NAALADL2: variants seen among roughly 807,000 people sequenced by gnomAD.
The protein encoded by NAALADL2 is N-acetylated alpha-linked acidic dipeptidase like 2.
Under a neutral mutation model 87.2 loss-of-function variants are expected in NAALADL2, and 76 were observed. The observed-to-expected ratio is 0.87, with a 90% CI of 0.72 to 1.05. NAALADL2 has a LOEUF of 1.05. NAALADL2 is among the 50% of genes least tolerant of loss of function. NAALADL2 has a pLI of 0.00. For missense variants in NAALADL2, 1,089 were observed against 945.8 expected (o/e 1.15, Z -1.99); for synonymous variants, 354 against 331.0 (o/e 1.07, Z -0.75).
In NAALADL2 at chr3:175,166,811, A is replaced by T. The variant is rs193294062; in HGVS notation, c.546-67120A>T. Reference sequence around the variant, plus strand: ...AACTCTCTAAGCTCATAGCTTCTCAAACTTTGCATTTCTGAAAAGGAACTC... The same window carrying T: ...AACTCTCTAAGCTCATAGCTTCTCATACTTTGCATTTCTGAAAAGGAACTC... On this transcript the variant is annotated intron_variant, in intron 2 of 13. Coordinates refer to ENST00000454872, the MANE Select transcript of NAALADL2 (RefSeq NM_207015.3). Among the ~76,000 whole-genome samples the T allele has an allele frequency of 1.3e-4, 20 of 152,156 alleles. No homozygotes were observed. The East Asian group carries it at 2.9e-3, about 22-fold the overall frequency.
At chr3:175,121,121 G>C (rs943247523) in intron 2 of NAALADL2, among the ~76,000 whole-genome samples, 5 of 151,714 alleles carry the variant, frequency 3.3e-5, no homozygotes, top group Non-Finnish European at 7.4e-5. Context: ...GATCCTGACT[G>C]AAGACAAGTA....
intron 4 of NAALADL2, among the ~76,000 whole-genome samples, chr3:175,317,639 G>A (rs1276707262): frequency 6.6e-6 from 1 of 152,004 alleles, no homozygotes; most frequent in Non-Finnish European, 1.5e-5. Flanking sequence ...AGATGGATAA[G>A]TGGCCCAGAA....
At chr3:174,696,062 A>C (rs1314411412) in intron 2 of NAALADL2, among the ~76,000 whole-genome samples, 1 of 152,034 alleles carries the variant, frequency 6.6e-6, no homozygotes, top group Non-Finnish European at 1.5e-5. Context: ...GGTTTAACCC[A>C]ATCCCGATAA....
intron 9 of NAALADL2, among the ~76,000 whole-genome samples, chr3:175,559,644 T>C (rs901514098): frequency 2.0e-5 from 3 of 152,324 alleles, no homozygotes; most frequent in East Asian, 3.9e-4. Flanking sequence ...GGTTTTATCA[T>C]GAAGGGATGT....
At chr3:175,304,008 G>GA (rs1165270190) in intron 4 of NAALADL2, among the ~76,000 whole-genome samples, 1 of 144,368 alleles carries the variant, frequency 6.9e-6, no homozygotes, top group African/African-American at 2.9e-5. Context: ...ATACCATTAG[G>GA]ATTTTTTTTT....
intron 1 of NAALADL2, among the ~76,000 whole-genome samples, chr3:174,891,904 G>C (rs1472799986): frequency 1.3e-5 from 2 of 151,940 alleles, no homozygotes; most frequent in African/African-American, 4.8e-5. Flanking sequence ...TCTTCCTTCT[G>C]CTTGAGGAGA....
In NAALADL2 at chr3:175,611,114, T is replaced by C. The variant is rs1321097091; in HGVS notation, c.1801-16177T>C. ...CTACTTAGCTAAGTCTACCATGCTA[T>C]CTGTATGGAGAGTTTTGTGAGAATT... On this transcript the variant is annotated intron_variant, in intron 10 of 13. Coordinates refer to ENST00000454872, the MANE Select transcript of NAALADL2 (RefSeq NM_207015.3). Among the ~76,000 whole-genome samples the C allele has an allele frequency of 2.6e-5, 4 of 152,076 alleles. No individual in the cohort carries two copies. In the South Asian group the frequency reaches 6.2e-4, roughly 24 times the overall value.
intron 2 of NAALADL2, among the ~76,000 whole-genome samples, chr3:175,182,557 T>G (rs931421786): frequency 8.0e-5 from 8 of 100,324 alleles, no homozygotes; most frequent in South Asian, 3.7e-4. Context: ...CCAGTTTTTT[T>G]TTTTTTTTTT....
At chr3:175,216,900 C>T (rs1742640858) in intron 2 of NAALADL2, among the ~76,000 whole-genome samples, 2 of 152,048 alleles carry the variant, frequency 1.3e-5, no homozygotes, top group African/African-American at 4.8e-5. Flanking sequence ...AACTCCTGAC[C>T]TCGTGATCTG....
chr3:174,834,602 C>T (rs1723120182), intron 3 of NAALADL2, among the ~76,000 whole-genome samples: 1 of 151,852 alleles, frequency 6.6e-6, no homozygotes. Context: ...TTAGCAAAGT[C>T]ACAAGATTCA....
intron 10 of NAALADL2, among the ~76,000 whole-genome samples, chr3:175,594,713 G>A (rs1406064824): frequency 6.6e-6 from 1 of 152,088 alleles, no homozygotes; most frequent in East Asian, 1.9e-4. Context: ...GGTGTGAGAT[G>A]GCATCTCACT....
At chr3:174,623,690 C>T (rs1351725254) in intron 2 of NAALADL2, among the ~76,000 whole-genome samples, 5 of 151,680 alleles carry the variant, frequency 3.3e-5, no homozygotes, top group African/African-American at 1.2e-4. Flanking sequence ...TGCAGTTTAA[C>T]CCATGTTGTT....
chr3:175,067,156 G>T (rs777847778), intron 1 of NAALADL2, among the ~76,000 whole-genome samples: 3 of 152,062 alleles, frequency 2.0e-5, no homozygotes, highest in Non-Finnish European at 4.4e-5. Context: ...AGAAAACATA[G>T]GAGACACCAT....
At chr3:175,591,558 C>T (rs1480578938) in intron 10 of NAALADL2, among the ~76,000 whole-genome samples, 4 of 151,862 alleles carry the variant, frequency 2.6e-5, no homozygotes, top group Non-Finnish European at 4.4e-5. Context: ...GCTAAGATAT[C>T]ATCCATGATG....
At chr3:174,839,668 A>T (rs1230136445) in intron 3 of NAALADL2, among the ~76,000 whole-genome samples, 1 of 152,102 alleles carries the variant, frequency 6.6e-6, no homozygotes, top group African/African-American at 2.4e-5. Context: ...AAATAATCCC[A>T]TCAAAAAGTG....
intron 2 of NAALADL2, among the ~76,000 whole-genome samples, chr3:174,601,842 C>T (rs1292141462): frequency 6.6e-6 from 1 of 152,122 alleles, no homozygotes; most frequent in Non-Finnish European, 1.5e-5. Context: ...AGACATGGGT[C>T]TAGTTTCGTT....
intron 1 of NAALADL2, among the ~76,000 whole-genome samples, chr3:174,878,434 G>A (rs528267931): frequency 5.3e-5 from 8 of 152,126 alleles, no homozygotes; most frequent in Non-Finnish European, 7.4e-5. Context: ...TTAAAACTGC[G>A]TGAGCAACTA....
chr3:175,588,711 T>C (rs888970880), intron 10 of NAALADL2, among the ~76,000 whole-genome samples: 5 of 152,002 alleles, frequency 3.3e-5, no homozygotes, highest in African/African-American at 1.2e-4. Flanking sequence ...GCTAATGTTT[T>C]GTATTTTTGG....
intron 1 of NAALADL2, among the ~76,000 whole-genome samples, chr3:174,456,483 A>T (rs1223907356): frequency 2.0e-5 from 3 of 151,852 alleles, no homozygotes; most frequent in Non-Finnish European, 2.9e-5. Context: ...ACAGGACAAC[A>T]GTAACCAAAA....
Sources: allele counts gnomAD v4.1 joint callset (sites outside exome capture counted in the v4.1 genomes callset), GRCh38; gene constraint gnomAD v4.1.1; transcripts MANE v1.5; gene names NCBI Gene and HGNC (gene_info 2026-07-23, HGNC 2026-07-21).